Variants in FILIP1 observed in about 807,000 individuals in gnomAD.
The protein encoded by FILIP1 is filamin-A-interacting protein 1.
FILIP1 carries 61 observed loss-of-function variants against 102.1 expected under a neutral mutation model. The observed-to-expected ratio is 0.60, with a 90% CI of 0.49 to 0.74. The LOEUF is 0.74. FILIP1 is among the 30% of genes least tolerant of loss of function. The pLI is 0.00. For missense variants in FILIP1, 1,314 were observed against 1,441.2 expected, an observed-to-expected ratio of 0.91 and a Z score of 1.43; for synonymous variants, 491 against 526.9, an observed-to-expected ratio of 0.93 and a Z score of 0.93.
chr6:75,375,177 T>C (rs1562518912), intron 2 of FILIP1, among the ~76,000 whole-genome samples: 2 of 152,098 alleles, frequency 1.3e-5, no homozygotes, highest in Non-Finnish European at 2.9e-5. Context: ...AGTCCTGGGG[T>C]GAGGGATTGT....
chr6:75,481,716 T>G (rs1779654223), intron 1 of FILIP1, among the ~76,000 whole-genome samples: 2 of 152,172 alleles, frequency 1.3e-5, no homozygotes, highest in Admixed American at 1.3e-4. Flanking sequence ...CTCTTTTAGC[T>G]ACAAAACATG....
At chr6:75,349,745 T>C (rs561037529) in intron 4 of FILIP1, among the ~76,000 whole-genome samples, 84 of 152,242 alleles carry the variant, frequency 5.5e-4, no homozygotes, top group Non-Finnish European at 1.1e-3. Context: ...GGGAGCCTCC[T>C]GGAGAGGCTC....
intron 1 of FILIP1, among the ~76,000 whole-genome samples, chr6:75,426,061 G>A (rs1277115168): frequency 2.0e-5 from 3 of 151,614 alleles, no homozygotes; most frequent in Non-Finnish European, 2.9e-5. Flanking sequence ...CACAAAAGCA[G>A]CAACAAACAA....
At chr6:75,315,288 C>T (rs1278010627) in intron 4 of FILIP1, 86 bp from the exon 5 acceptor site, 8 of 843,762 alleles carry the variant, frequency 9.5e-6, no homozygotes, top group Non-Finnish European at 1.2e-5. Context: ...CAAAAAGCCA[C>T]TACAATAAAT....
At position 75,414,518 on chromosome 6, in the gene FILIP1, C is replaced by A. The variant is rs184202143; in HGVS notation, c.276+179G>T. The stretch of plus-strand genomic sequence containing the variant: ...AATCAGCACTTTTTCATTTAGCATT[C>A]ATTCAACAAATATTTATTTAGTGCA... On this transcript the variant is annotated intron_variant, in intron 2 of 5. Coordinates refer to ENST00000237172, the MANE Select transcript of FILIP1 (RefSeq NM_015687.5). 2.2e-3 allele frequency among the ~76,000 whole-genome samples: 339 copies of A among 152,262 alleles called. 1 individual carries two copies. Among genetic ancestry groups the A allele is most frequent in the Admixed American group, 3.5e-3 (54 of 15,272 alleles).
rs1177205261 is a variant in FILIP1 at position 75,362,841 on chromosome 6, G to A, written c.353C>T (p.Ala118Val). Residue 118 changes from alanine to valine, a missense_variant, in exon 3 of 6, where the codon GCG (alanine) becomes GTG (valine). Transcript: ENST00000237172. ...PEVLEAHYGS[A>V]EPEKVLRVLH... Reference sequence around the variant, plus strand: ...GACCCGCAGCACTTTCTCTGGCTCCGCAGACCCGTAATGAGCCTCCAGAAC... The same window carrying A: ...GACCCGCAGCACTTTCTCTGGCTCCACAGACCCGTAATGAGCCTCCAGAAC... 1.4e-5 allele frequency: 23 copies of A among 1,613,822 alleles called. 1 individual carries two copies. The highest frequency in any genetic ancestry group is 4.4e-5 in the South Asian group (4 of 91,054).
chr6:75,439,722 G>C (rs1460944098), intron 1 of FILIP1, among the ~76,000 whole-genome samples: 1 of 152,230 alleles, frequency 6.6e-6, no homozygotes, highest in Non-Finnish European at 1.5e-5. Flanking sequence ...CATATTATTT[G>C]ACAAAGGTCA....
chr6:75,428,221 G>T (rs80017710), intron 1 of FILIP1, among the ~76,000 whole-genome samples: 1 of 152,040 alleles, frequency 6.6e-6, no homozygotes, highest in Non-Finnish European at 1.5e-5. Flanking sequence ...CTGAACCCAC[G>T]GTTCACATAT....
intron 1 of FILIP1, among the ~76,000 whole-genome samples, chr6:75,457,459 AG>A (rs1314459151): frequency 6.6e-6 from 1 of 152,214 alleles, no homozygotes; most frequent in Non-Finnish European, 1.5e-5. Flanking sequence ...AAATCAGGCC[AG>A]GGTTAGAAAC....
At chr6:75,372,695 GAGAAAGAAAGAAAGAAA>G (rs1775589854) in intron 2 of FILIP1, among the ~76,000 whole-genome samples, 19 of 28,340 alleles carry the variant, frequency 6.7e-4, no homozygotes, top group African/African-American at 3.5e-3. Flanking sequence ...GAGAAAGAAA[GAGAAAGAAAGAAAGAAA>G]GGAAAGAAAG....
rs1773334082 is a variant in FILIP1 at position 75,314,171 on chromosome 6, A to G, written c.1661T>C (p.Leu554Pro). The change falls in exon 5 of 6, where the codon CTT (leucine) becomes CCT (proline). Residue 554 changes from leucine (L) to proline (P), a missense_variant. Leu to Pro is a moderately conservative substitution (Grantham distance 98). Transcript: ENST00000237172. ...TEKLIEESKK[L>P]LKLKSEMEEK... ...CTCCATTTCAGATTTTAGTTTTAAA[A>G]GTTTCTTACTTTCTTCAATTAGTTT... The G allele has an allele frequency of 3.9e-6, 6 of 1,542,052 alleles. No individual in the cohort carries two copies. Among genetic ancestry groups the G allele is most frequent in the Non-Finnish European group, 5.2e-6 (6 of 1,156,216 alleles).
Position 75,400,879 on chromosome 6 carries a change from G to T in FILIP1, c.276+13818C>A, listed in dbSNP as rs115075141. 7.6e-3 allele frequency among the ~76,000 whole-genome samples: 1,155 copies of T among 152,232 alleles called. 9 individuals are homozygous for T. The highest frequency in any genetic ancestry group is 0.02 in the Middle Eastern group (6 of 294). Reference sequence around the variant, plus strand: ...CAGAGTATTTTTGTTGTGGAAAGAAGTTGAGAAGATCTCAATCTTATAGGT... The same window carrying T: ...CAGAGTATTTTTGTTGTGGAAAGAATTTGAGAAGATCTCAATCTTATAGGT... On this transcript the variant is annotated intron_variant, in intron 2 of 5. Coordinates refer to ENST00000237172, the MANE Select transcript of FILIP1 (RefSeq NM_015687.5).
chr6:75,401,357 G>T (rs1051686151), intron 2 of FILIP1, among the ~76,000 whole-genome samples: 2 of 152,076 alleles, frequency 1.3e-5, no homozygotes, highest in African/African-American at 2.4e-5. Context: ...CTTTGGCCAG[G>T]TCTTTTCTCT....
At chr6:75,434,835 A>C (rs1483542075) in intron 1 of FILIP1, among the ~76,000 whole-genome samples, 1 of 152,218 alleles carries the variant, frequency 6.6e-6, no homozygotes, top group African/African-American at 2.4e-5. Context: ...TGTCATAAAT[A>C]GCTCTTATTA....
At chr6:75,474,002 G>C (rs188503429) in intron 1 of FILIP1, 2 of 152,030 alleles carry the variant, frequency 1.3e-5, no homozygotes, top group Non-Finnish European at 1.5e-5. Flanking sequence ...TATCTATTTG[G>C]CCATGTGAAC....
At chr6:75,371,589 T>A (rs1390462223) in intron 2 of FILIP1, among the ~76,000 whole-genome samples, 1 of 152,170 alleles carries the variant, frequency 6.6e-6, no homozygotes, top group African/African-American at 2.4e-5. Context: ...AAACTTACAC[T>A]AATCAAAATA....
chr6:75,440,259 G>A (rs1778166796), intron 1 of FILIP1, among the ~76,000 whole-genome samples: 1 of 152,100 alleles, frequency 6.6e-6, no homozygotes, highest in Admixed American at 6.5e-5. Context: ...AAAAAGCACT[G>A]AGATACAAGC....
chr6:75,464,424 C>T (rs1055302301), intron 1 of FILIP1, among the ~76,000 whole-genome samples: 1 of 152,182 alleles, frequency 6.6e-6, no homozygotes, highest in Non-Finnish European at 1.5e-5. Context: ...CACAGAAAAA[C>T]TCTGCACACT....
intron 1 of FILIP1, among the ~76,000 whole-genome samples, chr6:75,434,151 A>G (rs1777932340): frequency 6.6e-6 from 1 of 152,218 alleles, no homozygotes; most frequent in Non-Finnish European, 1.5e-5. Context: ...CTCTTTGCTT[A>G]GGATTGTCTT....
Sources: allele counts gnomAD v4.1 joint callset (sites outside exome capture counted in the v4.1 genomes callset), GRCh38; gene constraint gnomAD v4.1.1; transcripts MANE v1.5; gene names NCBI Gene and HGNC (gene_info 2026-07-23, HGNC 2026-07-21).